RABGAP1L: variants seen among roughly 807,000 people sequenced by gnomAD.
RABGAP1L encodes the protein RAB GTPase activating protein 1 like.
In RABGAP1L, 63 loss-of-function variants were observed where a neutral mutation model predicts 137.7. The observed-to-expected ratio is 0.46, with a 90% CI of 0.37 to 0.56. RABGAP1L has a LOEUF of 0.56. Among genes scored for constraint, RABGAP1L ranks in the 20% least tolerant of loss-of-function variants. The pLI, the probability that RABGAP1L is intolerant of heterozygous loss-of-function variation, is 0.00. For synonymous variants in RABGAP1L, 431 were observed against 433.7 expected, an observed-to-expected ratio of 0.99 and a Z score of 0.08; for missense variants, 1,095 against 1,244.0, an observed-to-expected ratio of 0.88 and a Z score of 1.80.
intron 13 of RABGAP1L, among the ~76,000 whole-genome samples, chr1:174,569,855 T>G (rs1667854024): frequency 6.6e-6 from 1 of 152,226 alleles, no homozygotes; most frequent in Non-Finnish European, 1.5e-5. Context: ...CTTTTTACTT[T>G]GCATAAATAT....
At chr1:174,752,135 T>G (rs1684388097) in intron 17 of RABGAP1L, among the ~76,000 whole-genome samples, 178 bp from the exon 18 acceptor site, 1 of 152,148 alleles carries the variant, frequency 6.6e-6, no homozygotes, top group Non-Finnish European at 1.5e-5. Context: ...CACCTAAAAT[T>G]TATAACAAGC....
At chr1:174,547,711 TG>T in intron 13 of RABGAP1L, 1 of 758,420 alleles carries the variant, frequency 1.3e-6, no homozygotes, top group Non-Finnish European at 2.1e-6. Context: ...CTTTTAGACA[TG>T]GGGAATTTAT....
At chr1:174,281,801 A>G (rs1375618443) in intron 10 of RABGAP1L, among the ~76,000 whole-genome samples, 3 of 152,178 alleles carry the variant, frequency 2.0e-5, no homozygotes, top group Non-Finnish European at 4.4e-5. Flanking sequence ...ACAAATTTAT[A>G]CACATGAATA....
At chr1:174,985,589 A>G (rs1242587229) in intron 24 of RABGAP1L, among the ~76,000 whole-genome samples, 2 of 152,142 alleles carry the variant, frequency 1.3e-5, no homozygotes, top group African/African-American at 4.8e-5. Context: ...CTCATTTGGT[A>G]TGATAAATAG....
At chr1:174,838,788 G>A (rs192946816) in intron 19 of RABGAP1L, among the ~76,000 whole-genome samples, 1 of 151,564 alleles carries the variant, frequency 6.6e-6, no homozygotes, top group African/African-American at 2.4e-5. Flanking sequence ...TTGCTGGCGG[G>A]CGCCTGTAGT....
At chr1:174,406,803 G>A (rs1163288992) in intron 13 of RABGAP1L, among the ~76,000 whole-genome samples, 1 of 152,150 alleles carries the variant, frequency 6.6e-6, no homozygotes, top group Non-Finnish European at 1.5e-5. Flanking sequence ...ACAGCCACTC[G>A]GGAGGCTGAA....
chr1:174,933,732 A>T (rs1396582322), intron 19 of RABGAP1L, among the ~76,000 whole-genome samples: 1 of 152,160 alleles, frequency 6.6e-6, no homozygotes, highest in Non-Finnish European at 1.5e-5. Context: ...TATCCAAAGG[A>T]GAGATAGAGT....
chr1:174,597,306 A>G (rs1280508275), intron 13 of RABGAP1L, among the ~76,000 whole-genome samples: 1 of 152,080 alleles, frequency 6.6e-6, no homozygotes. Context: ...TAGTTCTTCA[A>G]ATGTTTTGTA....
intron 11 of RABGAP1L, among the ~76,000 whole-genome samples, chr1:174,327,980 CACACACATATATATAT>C (rs1558136052): frequency 0.022 from 2,374 of 105,884 alleles, 113 homozygotes; most frequent in African/African-American, 0.03. Context: ...TATATATATA[CACACACATATATATAT>C]ATATATATAT....
At chr1:174,397,128 C>T (rs905317826) in intron 13 of RABGAP1L, among the ~76,000 whole-genome samples, 4 of 152,156 alleles carry the variant, frequency 2.6e-5, no homozygotes, top group African/African-American at 9.7e-5. Flanking sequence ...GCTGGGGTGA[C>T]AGAGTGAGAC....
intron 14 of RABGAP1L, among the ~76,000 whole-genome samples, chr1:174,637,850 G>A (rs889484494): frequency 6.6e-6 from 1 of 152,220 alleles, no homozygotes; most frequent in African/African-American, 2.4e-5. Context: ...ACAGGCAAGT[G>A]TAAGAATCAG....
intron 11 of RABGAP1L, among the ~76,000 whole-genome samples, chr1:174,351,086 G>C (rs149732819): frequency 2.3e-5 from 3 of 127,874 alleles, no homozygotes; most frequent in Non-Finnish European, 4.9e-5. Flanking sequence ...GGGGGAGGGG[G>C]AGGGGGAGGG....
At chr1:174,733,194 G>T (rs1361664203) in intron 17 of RABGAP1L, among the ~76,000 whole-genome samples, 2 of 152,112 alleles carry the variant, frequency 1.3e-5, no homozygotes, top group African/African-American at 4.8e-5. Flanking sequence ...GACTTCAAGG[G>T]AAATAAAATT....
intron 4 of RABGAP1L, 152 bp downstream of exon 4, chr1:174,231,507 T>G: frequency 2.9e-6 from 2 of 699,100 alleles, no homozygotes; most frequent in Non-Finnish European, 4.9e-6. Context: ...GTTCATTGTT[T>G]GAAAGGGGCA....
At chr1:174,531,288 G>GTA (rs1222115089) in intron 13 of RABGAP1L, among the ~76,000 whole-genome samples, 2 of 152,064 alleles carry the variant, frequency 1.3e-5, no homozygotes, top group African/African-American at 4.8e-5. Flanking sequence ...AGTTCACCAA[G>GTA]TATATATACA....
At chr1:174,213,946 A>G (rs1051011392) in intron 1 of RABGAP1L, among the ~76,000 whole-genome samples, 4 of 152,222 alleles carry the variant, frequency 2.6e-5, no homozygotes, top group Admixed American at 2.6e-4. Context: ...AAGGATGCAT[A>G]CTTTCACTGC....
chr1:174,686,347 C>G (rs1409247714), intron 15 of RABGAP1L, among the ~76,000 whole-genome samples: 1 of 152,050 alleles, frequency 6.6e-6, no homozygotes, highest in African/African-American at 2.4e-5. Context: ...ATGACAGTTT[C>G]TGTCTTCTTG....
At chr1:174,699,698 T>C (rs1404425317) in intron 16 of RABGAP1L, 48 bp downstream of exon 16, 3 of 1,519,284 alleles carry the variant, frequency 2.0e-6, no homozygotes, top group South Asian at 1.2e-5. Context: ...TGTTGAGTCA[T>C]AGAAAAAGCC....
At chr1:174,621,959 C>T (rs1039373251) in intron 13 of RABGAP1L, among the ~76,000 whole-genome samples, 3 of 152,174 alleles carry the variant, frequency 2.0e-5, no homozygotes, top group Admixed American at 1.3e-4. Context: ...ACTCATCTGA[C>T]AAAGGGCTAA....
Sources: allele counts gnomAD v4.1 joint callset (sites outside exome capture counted in the v4.1 genomes callset), GRCh38; gene constraint gnomAD v4.1.1; transcripts MANE v1.5; gene names NCBI Gene and HGNC (gene_info 2026-07-23, HGNC 2026-07-21).